The following GRK5 variants were observed in gnomAD, a reference collection of about 807,000 sequenced individuals.
The protein encoded by GRK5 is g protein-coupled receptor kinase GRK5.
A neutral mutation model predicts 78.4 loss-of-function variants in GRK5; 40 were observed. The observed-to-expected ratio is 0.51, with a 90% CI of 0.40 to 0.66. GRK5 has a LOEUF of 0.66. Ranked by LOEUF, GRK5 falls within the 30% of genes least tolerant of loss-of-function variation. The pLI is 0.00. For missense variants in GRK5, 598 were observed against 759.9 expected, an observed-to-expected ratio of 0.79 and a Z score of 2.50; for synonymous variants, 289 against 296.8, an observed-to-expected ratio of 0.97 and a Z score of 0.27.
Position 119,452,954 on chromosome 10 carries a change from A to C in GRK5, c.1542+146A>C, listed in dbSNP as rs997258332. 5.6e-6 allele frequency: 6 copies of C among 1,074,428 alleles called. No homozygotes were observed. In the African/African-American group the frequency reaches 7.8e-5, roughly 14 times the overall value. The allele number at this position is 1,074,428 out of a possible 1,614,324, so 66.6% of individuals were successfully genotyped here. A position where few individuals can be genotyped will look rare whatever the true frequency, so the allele number is the denominator to read the frequency against. ...ATGAAGGCAGCACACAAAAGCTGTC[A>C]GTGGCCAAGTAGGGAGCTGTAGCCA... On this transcript the variant is annotated intron_variant, in intron 14 of 15. Coordinates refer to ENST00000392870, the MANE Select transcript of GRK5 (RefSeq NM_005308.3). This position sits in a 1 kb window ranked among gnomAD's most constrained non-coding sequence, Gnocchi z 4.4.
intron 2 of GRK5, among the ~76,000 whole-genome samples, chr10:119,349,671 G>A (rs1268532175): frequency 6.6e-6 from 1 of 152,202 alleles, no homozygotes; most frequent in African/African-American, 2.4e-5. Context: ...TGTAGGCCTG[G>A]TGACAGCCCT....
At chr10:119,444,288 CT>C (rs1198186498) in intron 12 of GRK5, among the ~76,000 whole-genome samples, 1 of 152,110 alleles carries the variant, frequency 6.6e-6, no homozygotes, top group Non-Finnish European at 1.5e-5. Flanking sequence ...ATGACAGGGT[CT>C]AGGGATAGTG....
Position 119,336,442 on chromosome 10 carries a change from GT to G in GRK5, c.148+9841del, listed in dbSNP as rs1175033419. Among the ~76,000 whole-genome samples, 3 of 150,154 alleles carry G rather than the reference GT, an allele frequency of 2.0e-5. No homozygotes were observed. The highest frequency in any genetic ancestry group is 2.1e-4 in the South Asian group (1 of 4,744). ...GGACACTGGCTTTATCTGTAAGATT[GT>G]TTTTTTTTTAAAAAAAGAATGAATT... On this transcript the variant is annotated intron_variant, in intron 2 of 15. Coordinates refer to ENST00000392870, the MANE Select transcript of GRK5 (RefSeq NM_005308.3). The surrounding 1 kb of genome is among the most constrained non-coding windows in gnomAD (Gnocchi z 4.5).
chr10:119,411,113 C>T (rs953237154), intron 4 of GRK5, among the ~76,000 whole-genome samples: 1 of 152,052 alleles, frequency 6.6e-6, no homozygotes, highest in Non-Finnish European at 1.5e-5. Flanking sequence ...GCCCCACCTC[C>T]ACCTCTGCTC....
rs1344423386 is a variant in GRK5 at position 119,267,102 on chromosome 10, G to A, written c.52+59133G>A. On this transcript the variant is annotated intron_variant, in intron 1 of 15. Transcript: ENST00000392870. This position sits in a 1 kb window ranked among gnomAD's most constrained non-coding sequence, Gnocchi z 4.1. ...TACTAAAAATACAAAAATTAGCCAG[G>A]CATGGTGGCGGGCGCCTGTAATCTC... Among the ~76,000 whole-genome samples, 1 of 152,022 alleles carries A rather than the reference G, an allele frequency of 6.6e-6. No homozygotes were observed. Among genetic ancestry groups the A allele is most frequent in the South Asian group, 2.1e-4 (1 of 4,830 alleles).
intron 1 of GRK5, among the ~76,000 whole-genome samples, chr10:119,224,258 AG>A (rs1188311572): frequency 1.3e-5 from 2 of 152,220 alleles, no homozygotes; most frequent in African/African-American, 4.8e-5. Context: ...GCCAAGTAAC[AG>A]ACATAACCAA....
intron 2 of GRK5, among the ~76,000 whole-genome samples, chr10:119,368,307 G>A (rs1005698496): frequency 6.6e-6 from 1 of 152,226 alleles, no homozygotes. Flanking sequence ...AGGCCTCTGC[G>A]AAATGCTGCC....
chr10:119,411,842 CTTTTTTTTTTTTTTT>C (rs10578557), intron 4 of GRK5, among the ~76,000 whole-genome samples: 1 of 95,978 alleles, frequency 1.0e-5, no homozygotes, highest in African/African-American at 3.6e-5. Context: ...AGATCTGCTT[CTTTTTTTTTTTTTTT>C]TTTTTTTTTT....
At chr10:119,397,498 C>CT (rs1414195645) in intron 4 of GRK5, among the ~76,000 whole-genome samples, 1 of 152,206 alleles carries the variant, frequency 6.6e-6, no homozygotes, top group Non-Finnish European at 1.5e-5. Context: ...TCAGACTCAC[C>CT]TCCCGGAGGT....
rs746187940 is a variant in GRK5, at chr10:119,412,472, G to A, written c.340-10694G>A. 3.2e-4 allele frequency among the ~76,000 whole-genome samples: 49 copies of A among 152,186 alleles called. No individual in the cohort carries two copies. Among genetic ancestry groups the A allele is most frequent in the Non-Finnish European group, 6.3e-4 (43 of 68,030 alleles). On this transcript the variant is annotated intron_variant, in intron 4 of 15. Coordinates refer to ENST00000392870, the MANE Select transcript of GRK5 (RefSeq NM_005308.3). This position sits in a 1 kb window ranked among gnomAD's most constrained non-coding sequence, Gnocchi z 4.3. The stretch of plus-strand genomic sequence containing the variant: ...GGCCACGAGCCCGCACAGCTCGTGA[G>A]CGTGTGGCCGGACTGATTTATTTTT...
chr10:119,230,829 T>C (rs1239994864), intron 1 of GRK5, among the ~76,000 whole-genome samples: 31 of 18,786 alleles, frequency 1.7e-3, no homozygotes, highest in South Asian at 9.5e-3. Flanking sequence ...AGACCCTATC[T>C]CAAAAAAAAA....
intron 1 of GRK5, among the ~76,000 whole-genome samples, chr10:119,312,505 G>A (rs182156889): frequency 5.8e-4 from 88 of 152,324 alleles, no homozygotes; most frequent in African/African-American, 2.1e-3. Flanking sequence ...TGGGAATACA[G>A]CCATGCTCAT....
At chr10:119,240,742 G>T (rs1274235925) in intron 1 of GRK5, among the ~76,000 whole-genome samples, 1 of 152,044 alleles carries the variant, frequency 6.6e-6, no homozygotes, top group Non-Finnish European at 1.5e-5. Flanking sequence ...TTGTCAGATG[G>T]ATAGATTGCA....
At chr10:119,316,091 G>A (rs1319774278) in intron 1 of GRK5, among the ~76,000 whole-genome samples, 1 of 152,160 alleles carries the variant, frequency 6.6e-6, no homozygotes, top group Non-Finnish European at 1.5e-5. Context: ...CTGGAAATGG[G>A]GGTGATAGTT....
intron 4 of GRK5, among the ~76,000 whole-genome samples, chr10:119,407,022 C>G (rs118162653): frequency 3.9e-5 from 6 of 152,242 alleles, no homozygotes; most frequent in African/African-American, 1.4e-4. Context: ...CCAGGGAAAT[C>G]TCAGGGGCTG....
chr10:119,249,767 C>T (rs1284943400), intron 1 of GRK5, among the ~76,000 whole-genome samples: 1 of 152,214 alleles, frequency 6.6e-6, no homozygotes, highest in Admixed American at 6.5e-5. Context: ...TCCCAAAATG[C>T]TGGGATTATA....
At chr10:119,386,737 C>T (rs563857723) in intron 3 of GRK5, among the ~76,000 whole-genome samples, 4 of 152,332 alleles carry the variant, frequency 2.6e-5, no homozygotes, top group African/African-American at 7.2e-5. Flanking sequence ...CTTTTACGCA[C>T]GGAGACTTTA....
At chr10:119,284,872 G>A (rs190790061) in intron 1 of GRK5, among the ~76,000 whole-genome samples, 1 of 152,332 alleles carries the variant, frequency 6.6e-6, no homozygotes, top group East Asian at 1.9e-4. Context: ...GGAAATGGAG[G>A]GGAGGTCCTG....
chr10:119,375,951 G>C (rs1312733044), intron 2 of GRK5, among the ~76,000 whole-genome samples: 3 of 152,204 alleles, frequency 2.0e-5, no homozygotes, highest in Non-Finnish European at 4.4e-5. Context: ...TCTCAGACTT[G>C]CCGCCACCCC....
Sources: gnomAD v4.1 joint callset for allele counts (sites outside exome capture counted in the v4.1 genomes callset) on GRCh38, gnomAD v4.1.1 for gene constraint, Gnocchi (gnomAD v3.1) non-coding constraint, MANE v1.5 for transcripts, NCBI Gene and HGNC (gene_info 2026-07-23, HGNC 2026-07-21) for gene names.